The following SOX5 variants were observed in gnomAD, a reference collection of about 807,000 sequenced individuals.
SOX5 encodes the protein transcription factor SOX-5.
A neutral mutation model predicts 92.0 loss-of-function variants in SOX5; 9 were observed. The observed-to-expected ratio is 0.10, with a 90% confidence interval of 0.06 to 0.17. SOX5 has a LOEUF of 0.17. Ranked by LOEUF, SOX5 falls within the 10% of genes least tolerant of loss-of-function variation. The probability of loss-of-function intolerance (pLI) is 1.00; values close to 1 mark genes in which losing one functional copy is unlikely to be tolerated. For missense variants in SOX5, 642 were observed against 944.5 expected (o/e 0.68, Z 4.20); for synonymous variants, 344 against 336.3 (o/e 1.02, Z -0.25).
intron 2 of SOX5, among the ~76,000 whole-genome samples, chr12:24,358,492 G>T (rs1955134766): frequency 6.6e-6 from 1 of 151,912 alleles, no homozygotes; most frequent in Admixed American, 6.6e-5. Context: ...GGCGCCAATG[G>T]TCCCAGCTAC....
At chr12:23,995,611 T>C (rs1436697914) in intron 4 of SOX5, among the ~76,000 whole-genome samples, 2 of 152,114 alleles carry the variant, frequency 1.3e-5, no homozygotes, top group African/African-American at 2.4e-5. Context: ...GGAGGGAGAA[T>C]TGCTTGAGAC....
At chr12:24,127,825 T>A (rs1052794827) in intron 4 of SOX5, among the ~76,000 whole-genome samples, 2 of 152,140 alleles carry the variant, frequency 1.3e-5, no homozygotes, top group African/African-American at 4.8e-5. Flanking sequence ...GTGAGTGCAT[T>A]AGAGGCAACA....
intron 8 of SOX5, among the ~76,000 whole-genome samples, chr12:23,625,245 T>C (rs2077621159): frequency 6.6e-6 from 1 of 152,210 alleles, no homozygotes; most frequent in Admixed American, 6.5e-5. Context: ...ACGTTTTTCC[T>C]TGCCAAGAGA....
chr12:24,527,996 C>G (rs561645230), intron 1 of SOX5, among the ~76,000 whole-genome samples: 1 of 152,300 alleles, frequency 6.6e-6, no homozygotes, highest in South Asian at 2.1e-4. Context: ...CTGACACTAG[C>G]AAAACATTCA....
intron 3 of SOX5, among the ~76,000 whole-genome samples, chr12:23,795,307 TTC>T (rs1311600111): frequency 6.6e-6 from 1 of 152,112 alleles, no homozygotes; most frequent in Non-Finnish European, 1.5e-5. Context: ...TATAAGATTT[TTC>T]AAAGAACACA....
chr12:24,370,580 C>T (rs922793803), intron 1 of SOX5, among the ~76,000 whole-genome samples: 20 of 151,722 alleles, frequency 1.3e-4, no homozygotes, highest in Admixed American at 9.2e-4. Context: ...TTGCTTGATG[C>T]CAGGAGTGTG....
chr12:23,842,203 T>A (rs2096526874), intron 3 of SOX5, among the ~76,000 whole-genome samples: 1 of 152,154 alleles, frequency 6.6e-6, no homozygotes, highest in Non-Finnish European at 1.5e-5. Flanking sequence ...TAGTAGCAGT[T>A]AATTATTCTG....
intron 1 of SOX5, among the ~76,000 whole-genome samples, chr12:24,389,333 C>T (rs1035218467): frequency 4.6e-5 from 7 of 152,178 alleles, no homozygotes; most frequent in Admixed American, 6.5e-5. Context: ...ATATGTGCCA[C>T]ATTTTCTTAA....
chr12:23,787,324 C>T (rs1047300784), intron 3 of SOX5, among the ~76,000 whole-genome samples: 6 of 151,848 alleles, frequency 4.0e-5, no homozygotes, highest in African/African-American at 1.2e-4. Flanking sequence ...GTACCAAAGT[C>T]GTCTGCTCTG....
chr12:23,953,874 G>A (rs1315902561), upstream of SOX5, among the ~76,000 whole-genome samples: 1 of 151,938 alleles, frequency 6.6e-6, no homozygotes, highest in Non-Finnish European at 1.5e-5. Context: ...AATGGAAAAT[G>A]GAATGAACAT....
At chr12:24,163,809 C>T (rs923274800) in intron 4 of SOX5, among the ~76,000 whole-genome samples, 6 of 152,030 alleles carry the variant, frequency 3.9e-5, no homozygotes, top group African/African-American at 1.4e-4. Context: ...GTCTCTCTCT[C>T]TCTTTCTCTC....
intron 7 of SOX5, among the ~76,000 whole-genome samples, chr12:23,651,426 C>A (rs2081547555): frequency 6.6e-6 from 1 of 151,936 alleles, no homozygotes; most frequent in Non-Finnish European, 1.5e-5. Context: ...AAGCATTATG[C>A]AAATGTATAC....
intron 4 of SOX5, among the ~76,000 whole-genome samples, chr12:24,044,952 T>C (rs1334025001): frequency 2.0e-5 from 3 of 152,350 alleles, no homozygotes; most frequent in East Asian, 3.9e-4. Flanking sequence ...GTTTTTAAAA[T>C]ATTTCTTTTG....
At chr12:23,881,713 A>G (rs373387330) in intron 2 of SOX5, among the ~76,000 whole-genome samples, 1 of 152,234 alleles carries the variant, frequency 6.6e-6, no homozygotes, top group African/African-American at 2.4e-5. Flanking sequence ...TCCTACCGGC[A>G]TAAATCTAGT....
chr12:24,452,047 A>G (rs1942389114), intron 1 of SOX5, among the ~76,000 whole-genome samples: 1 of 152,198 alleles, frequency 6.6e-6, no homozygotes, highest in Admixed American at 6.6e-5. Context: ...CTGACTGGCT[A>G]TCACATGGTC....
At chr12:24,467,556 A>G (rs759192949) in intron 1 of SOX5, among the ~76,000 whole-genome samples, 1 of 152,262 alleles carries the variant, frequency 6.6e-6, no homozygotes. Flanking sequence ...AGGAACCACA[A>G]ATAATGCATC....
chr12:23,939,203 A>G (rs918570779), intron 1 of SOX5, among the ~76,000 whole-genome samples: 2 of 151,160 alleles, frequency 1.3e-5, no homozygotes, highest in African/African-American at 4.8e-5. Context: ...CTGTAGGAAC[A>G]TATGCCAACT....
At chr12:23,701,069 A>G (rs2090567033) in intron 6 of SOX5, among the ~76,000 whole-genome samples, 1 of 151,984 alleles carries the variant, frequency 6.6e-6, no homozygotes, top group African/African-American at 2.4e-5. Flanking sequence ...CACTTGTTTT[A>G]ATCTGTAATT....
At chr12:23,902,371 C>T (rs74775019) in intron 1 of SOX5, among the ~76,000 whole-genome samples, 3,116 of 152,074 alleles carry the variant, frequency 0.02, 108 homozygotes, top group African/African-American at 0.072. Flanking sequence ...GATGCAGTGC[C>T]TTCTACTGGT....
Sources: allele counts gnomAD v4.1 joint callset (sites outside exome capture counted in the v4.1 genomes callset), GRCh38; gene constraint gnomAD v4.1.1; transcripts MANE v1.5; gene names NCBI Gene and HGNC (gene_info 2026-07-23, HGNC 2026-07-21).